Variants in CDH13 observed in about 807,000 individuals in gnomAD.
The protein encoded by CDH13 is cadherin 13.
CDH13 carries 24 observed loss-of-function variants against 63.8 expected under a neutral mutation model. The observed-to-expected ratio is 0.38, with a 90% CI of 0.27 to 0.53. The LOEUF (loss-of-function observed/expected upper bound fraction) is 0.53, where lower values mean the gene tolerates loss of function less well. Ranked by LOEUF, CDH13 falls within the 20% of genes least tolerant of loss-of-function variation. CDH13 has a pLI of 0.85. For missense variants in CDH13, 1,049 were observed against 903.1 expected (o/e 1.16, Z -2.07); for synonymous variants, 503 against 355.3 (o/e 1.42, Z -4.67).
At position 83,678,344 on chromosome 16, in the gene CDH13, G is replaced by A; in HGVS notation, c.1421G>A (p.Gly474Asp). ...ATCACTGTCCTGGATGTCAACGAGGGCCCAGTCTTCTACCCAGACCCCATG... is the reference window on the plus strand; with the variant it reads ...ATCACTGTCCTGGATGTCAACGAGGACCCAGTCTTCTACCCAGACCCCATG... The part of the protein sequence containing the change: ...VHITVLDVNE[G>D]PVFYPDPMMV... Residue 474 changes from glycine to aspartate, a missense_variant, in exon 10 of 14, where the codon GGC becomes GAC. Gly to Asp is a moderately conservative substitution (Grantham distance 94, BLOSUM62 -1). Transcript: ENST00000567109. 6.2e-7 allele frequency: 1 copy of A among 1,613,944 alleles called. No individual in the cohort carries two copies. The highest frequency in any genetic ancestry group is 1.1e-5 in the South Asian group (1 of 91,072).
intron 10 of CDH13, among the ~76,000 whole-genome samples, chr16:83,714,423 A>G (rs78436381): frequency 1.0e-3 from 153 of 152,318 alleles, no homozygotes; most frequent in African/African-American, 3.5e-3. Flanking sequence ...ATACCTAGCT[A>G]TGCTGCCCCA....
chr16:83,716,149 G>A (rs1248862821), intron 10 of CDH13, among the ~76,000 whole-genome samples: 1 of 152,088 alleles, frequency 6.6e-6, no homozygotes, highest in Non-Finnish European at 1.5e-5. Flanking sequence ...GCAAAATTGA[G>A]CAGAAGGTAC....
intron 2 of CDH13, among the ~76,000 whole-genome samples, chr16:82,968,409 T>C (rs905288986): frequency 1.3e-5 from 2 of 152,174 alleles, no homozygotes; most frequent in African/African-American, 4.8e-5. Context: ...ACTCTTGAAA[T>C]AAGAATTTTT....
At chr16:83,421,135 G>A (rs2071702501) in intron 6 of CDH13, among the ~76,000 whole-genome samples, 1 of 152,142 alleles carries the variant, frequency 6.6e-6, no homozygotes, top group Non-Finnish European at 1.5e-5. Context: ...AACCTAGGAG[G>A]AACACTCATA....
chr16:82,717,560 TC>T (rs2032465827), intron 1 of CDH13, among the ~76,000 whole-genome samples: 1 of 150,986 alleles, frequency 6.6e-6, no homozygotes, highest in Non-Finnish European at 1.5e-5. Context: ...ATTGCTGGAC[TC>T]TTTTAGATCC....
At chr16:83,458,393 C>G (rs2073081381) in intron 6 of CDH13, among the ~76,000 whole-genome samples, 1 of 152,210 alleles carries the variant, frequency 6.6e-6, no homozygotes, top group South Asian at 2.1e-4. Context: ...CCCAACACTT[C>G]CCAACATCAT....
intron 2 of CDH13, among the ~76,000 whole-genome samples, chr16:82,928,466 A>G (rs1026664812): frequency 6.6e-6 from 1 of 152,170 alleles, no homozygotes; most frequent in Non-Finnish European, 1.5e-5. Flanking sequence ...TGCCACCAGG[A>G]GCATTTGAAA....
chr16:83,266,298 G>A (rs1907616221), intron 5 of CDH13, among the ~76,000 whole-genome samples: 1 of 152,118 alleles, frequency 6.6e-6, no homozygotes, highest in Non-Finnish European at 1.5e-5. Flanking sequence ...CAAGACCAAA[G>A]GTTTCACTGG....
chr16:83,573,382 A>C (rs927929928), intron 7 of CDH13, among the ~76,000 whole-genome samples: 2 of 152,208 alleles, frequency 1.3e-5, no homozygotes, highest in Non-Finnish European at 2.9e-5. Context: ...CAGCAAAAAA[A>C]CCGGAATGAC....
intron 7 of CDH13, among the ~76,000 whole-genome samples, chr16:83,582,281 C>A (rs8054361): frequency 0.28 from 42,547 of 151,676 alleles, 6,131 homozygotes; most frequent in South Asian, 0.37. Context: ...TTGGCTTAAT[C>A]CTTTTTTTTT....
At chr16:83,545,479 T>C (rs1260849858) in intron 7 of CDH13, among the ~76,000 whole-genome samples, 1 of 152,206 alleles carries the variant, frequency 6.6e-6, no homozygotes. Context: ...AGAAGTCTCA[T>C]TGTCTGCACT....
intron 1 of CDH13, among the ~76,000 whole-genome samples, chr16:82,834,091 T>C (rs879557761): frequency 6.6e-6 from 1 of 152,212 alleles, no homozygotes; most frequent in Non-Finnish European, 1.5e-5. Flanking sequence ...AAGATATGAT[T>C]GCTTTGTATT....
chr16:83,622,122 C>T (rs1055947826), intron 8 of CDH13, among the ~76,000 whole-genome samples: 16 of 152,158 alleles, frequency 1.1e-4, no homozygotes, highest in African/African-American at 3.6e-4. Context: ...AGGCACTGTT[C>T]GAGATGCTTT....
intron 3 of CDH13, among the ~76,000 whole-genome samples, chr16:83,085,413 A>G (rs770033326): frequency 7.2e-5 from 11 of 152,120 alleles, no homozygotes; most frequent in Non-Finnish European, 1.5e-4. Flanking sequence ...CAGTCAAACC[A>G]TATCACTCCT....
chr16:83,138,475 C>T (rs1355647991), intron 4 of CDH13, among the ~76,000 whole-genome samples: 2 of 152,174 alleles, frequency 1.3e-5, no homozygotes, highest in Non-Finnish European at 2.9e-5. Flanking sequence ...AGAAAGCGCT[C>T]TCCAGGCAGT....
chr16:82,643,922 A>AC (rs1439908249), intron 1 of CDH13, among the ~76,000 whole-genome samples: 3 of 151,468 alleles, frequency 2.0e-5, no homozygotes, highest in Non-Finnish European at 2.9e-5. Context: ...AATTAAAAAA[A>AC]AAAAAAACTT....
intron 10 of CDH13, among the ~76,000 whole-genome samples, chr16:83,679,975 G>T (rs1318052626): frequency 6.6e-6 from 1 of 152,180 alleles, no homozygotes; most frequent in Non-Finnish European, 1.5e-5. Context: ...GTCCTACTAA[G>T]ATGGGACAGA....
chr16:82,981,859 G>T (rs1013465721), intron 2 of CDH13, among the ~76,000 whole-genome samples: 1 of 152,078 alleles, frequency 6.6e-6, no homozygotes, highest in African/African-American at 2.4e-5. Context: ...CACAGTGTAT[G>T]CTTCTCAATC....
chr16:82,995,841 A>G (rs1049485338), intron 2 of CDH13, among the ~76,000 whole-genome samples: 12 of 152,110 alleles, frequency 7.9e-5, no homozygotes, highest in Admixed American at 7.9e-4. Context: ...AGATGATTCA[A>G]CCCTCTCGCG....
Sources: allele counts gnomAD v4.1 joint callset (sites outside exome capture counted in the v4.1 genomes callset), GRCh38; gene constraint gnomAD v4.1.1; transcripts MANE v1.5; gene names NCBI Gene and HGNC (gene_info 2026-07-23, HGNC 2026-07-21).